Variants in KIF13B observed in about 807,000 individuals in gnomAD.
KIF13B encodes the protein kinesin-like protein KIF13B.
Under a neutral mutation model 222.0 loss-of-function variants are expected in KIF13B, and 127 were observed. That is an observed-to-expected ratio of 0.57 (90% CI 0.50 to 0.66). The LOEUF (loss-of-function observed/expected upper bound fraction) is 0.66, where lower values mean the gene tolerates loss of function less well. Among genes scored for constraint, KIF13B ranks in the 30% least tolerant of loss-of-function variants. KIF13B has a pLI of 0.00. For missense variants in KIF13B, 2,173 were observed against 2,379.0 expected, an observed-to-expected ratio of 0.91 and a Z score of 1.80; for synonymous variants, 976 against 919.0, an observed-to-expected ratio of 1.06 and a Z score of -1.12.
intron 1 of KIF13B, 65 bp downstream of exon 1, chr8:29,262,915 G>A (rs1415625774): frequency 2.2e-6 from 3 of 1,372,778 alleles, no homozygotes; most frequent in Non-Finnish European, 2.9e-6. Flanking sequence ...CACGGCGGCC[G>A]AGGGAAGGGC....
At chr8:29,134,792 G>A (rs1281077527) in intron 21 of KIF13B, among the ~76,000 whole-genome samples, 3 of 152,172 alleles carry the variant, frequency 2.0e-5, no homozygotes, top group Non-Finnish European at 2.9e-5. Flanking sequence ...TTAAAGATGT[G>A]GGGAGAGATA....
chr8:29,257,235 C>T (rs1368031164), intron 1 of KIF13B, among the ~76,000 whole-genome samples: 5 of 152,122 alleles, frequency 3.3e-5, no homozygotes, highest in South Asian at 2.1e-4. Flanking sequence ...CTCCTCAGAG[C>T]GAAAGCCCCA....
At chr8:29,199,116 T>TA (rs200407817) in intron 2 of KIF13B, among the ~76,000 whole-genome samples, 75 of 146,204 alleles carry the variant, frequency 5.1e-4, no homozygotes, top group African/African-American at 1.0e-3. Context: ...TTTCGAAAAT[T>TA]AAAAAAAAAA....
At chr8:29,218,518 C>T (rs530243218) in intron 2 of KIF13B, among the ~76,000 whole-genome samples, 1 of 152,258 alleles carries the variant, frequency 6.6e-6, no homozygotes, top group Non-Finnish European at 1.5e-5. Flanking sequence ...CTCACCAAAT[C>T]CCAGGCAACA....
intron 10 of KIF13B, among the ~76,000 whole-genome samples, chr8:29,171,663 G>C (rs774122668): frequency 2.1e-5 from 3 of 143,800 alleles, no homozygotes; most frequent in Admixed American, 6.9e-5. Context: ...TTAAGCTCTG[G>C]AACATGTTTT....
At chr8:29,078,707 T>C (rs914210533) in intron 37 of KIF13B, among the ~76,000 whole-genome samples, 1 of 152,226 alleles carries the variant, frequency 6.6e-6, no homozygotes, top group Non-Finnish European at 1.5e-5. Flanking sequence ...TGAGTATAAT[T>C]ATCTACATTT....
In KIF13B at chr8:29,167,435, G is replaced by C. The variant is rs773808991; in HGVS notation, c.1096C>G (p.Arg366Gly). The change falls in exon 11 of 40, where the codon CGA becomes GGA. Residue 366 changes from arginine (R) to glycine (G), a missense_variant. Physicochemically the swap from Arg to Gly is moderately radical, Grantham distance 125. Coordinates refer to ENST00000524189, the MANE Select transcript of KIF13B (RefSeq NM_015254.4). ...TCTTCCCGGAGATCCCGGATAATTC[G>C]GGCATTAGGGTCCTCATTCACCACA... is the stretch of plus-strand genomic sequence containing the variant. ...HAVVNEDPNA[R>G]IIRDLREEVE... 4 of 1,613,654 alleles carry C rather than the reference G, an allele frequency of 2.5e-6. No homozygotes were observed. The South Asian group carries it at 4.4e-5, about 18-fold the overall frequency.
chr8:29,257,472 T>G (rs1816527186), intron 1 of KIF13B, among the ~76,000 whole-genome samples: 1 of 152,238 alleles, frequency 6.6e-6, no homozygotes. Flanking sequence ...GTCAGTGGTT[T>G]CTTCCATTTT....
chr8:29,139,103 T>C (rs990299053), intron 21 of KIF13B, among the ~76,000 whole-genome samples: 4 of 152,076 alleles, frequency 2.6e-5, no homozygotes, highest in Admixed American at 1.3e-4. Context: ...CAGGTGGTAA[T>C]TGTGGAGCGA....
chr8:29,177,882 C>T (rs182029917), intron 8 of KIF13B, among the ~76,000 whole-genome samples: 2 of 152,316 alleles, frequency 1.3e-5, no homozygotes, highest in African/African-American at 4.8e-5. Flanking sequence ...GCATTCCAAC[C>T]TGAGCGACAC....
chr8:29,175,002 T>C (rs1288932865), intron 10 of KIF13B, among the ~76,000 whole-genome samples: 1 of 152,188 alleles, frequency 6.6e-6, no homozygotes, highest in Non-Finnish European at 1.5e-5. Context: ...CGTGTTGAAC[T>C]CATCTTAGTA....
intron 21 of KIF13B, among the ~76,000 whole-genome samples, chr8:29,138,221 GCTAC>G (rs1329874657): frequency 2.0e-5 from 3 of 152,086 alleles, no homozygotes; most frequent in Non-Finnish European, 4.4e-5. Flanking sequence ...TGGTGGCACA[GCTAC>G]CTAGAAGGCT....
chr8:29,170,818 CT>C (rs1400734291), intron 10 of KIF13B, among the ~76,000 whole-genome samples: 1 of 152,218 alleles, frequency 6.6e-6, no homozygotes, highest in Admixed American at 6.5e-5. Context: ...CGGCTCACGC[CT>C]GTAATCCCAA....
chr8:29,196,260 AT>A (rs756369457), intron 2 of KIF13B, 61 bp from the exon 3 acceptor site: 36 of 1,069,504 alleles, frequency 3.4e-5, no homozygotes, highest in East Asian at 1.1e-4. Flanking sequence ...AAAAAAAAAA[AT>A]TTAGTTTAGA....
Position 29,140,113 on chromosome 8 carries a change from C to A in KIF13B, c.2563G>T (p.Ala855Ser). ...GERIAGGDEV[A>S]EVSFEKETQE... Reference sequence around the variant, plus strand: ...GTCTCCTTCTCAAAGGAGACCTCTGCCACCTCATCGCCTCCTGCGATCCTC... The same window carrying A: ...GTCTCCTTCTCAAAGGAGACCTCTGACACCTCATCGCCTCCTGCGATCCTC... The change falls in exon 21 of 40, where the codon GCA becomes TCA. Residue 855 changes from alanine (A) to serine (S), a missense_variant. Physicochemically the swap from Ala to Ser is moderately conservative, Grantham distance 99. This residue lies in a region of KIF13B where 1,480 missense variants were observed against 1,722.8 expected (regional missense o/e 0.86). Transcript: ENST00000524189. 6.2e-7 allele frequency: 1 copy of A among 1,611,766 alleles called. No homozygotes were observed. The highest frequency in any genetic ancestry group is 1.1e-5 in the South Asian group (1 of 90,504).
At chr8:29,084,001 G>A (rs750539968) in intron 37 of KIF13B, among the ~76,000 whole-genome samples, 1 of 151,978 alleles carries the variant, frequency 6.6e-6, no homozygotes, top group African/African-American at 2.4e-5. Flanking sequence ...TGCAACCTCC[G>A]CCTCCAGGGT....
chr8:29,077,055 G>A (rs1352362779), intron 37 of KIF13B, among the ~76,000 whole-genome samples: 3 of 152,172 alleles, frequency 2.0e-5, no homozygotes, highest in Non-Finnish European at 2.9e-5. Context: ...CAACCACTAG[G>A]GAGTTCCTGG....
chr8:29,219,880 T>C (rs1045607002), intron 2 of KIF13B, among the ~76,000 whole-genome samples: 1 of 152,062 alleles, frequency 6.6e-6, no homozygotes, highest in Non-Finnish European at 1.5e-5. Flanking sequence ...CTGGGGAACA[T>C]GGTGAAACCC....
chr8:29,209,568 C>A (rs17059788), intron 2 of KIF13B, among the ~76,000 whole-genome samples: 1 of 151,908 alleles, frequency 6.6e-6, no homozygotes, highest in African/African-American at 2.4e-5. Flanking sequence ...TTTTGTGTGA[C>A]GATTCCTGAC....
Sources: gnomAD v4.1 joint callset for allele counts (sites outside exome capture counted in the v4.1 genomes callset) on GRCh38, gnomAD v4.1.1 for gene constraint, gnomAD v4.1.1 regional missense constraint, MANE v1.5 for transcripts, NCBI Gene and HGNC (gene_info 2026-07-23, HGNC 2026-07-21) for gene names.